The following RHOBTB3 variants were observed in gnomAD, a reference collection of about 807,000 sequenced individuals.
RHOBTB3 encodes the protein Rho related BTB domain containing 3, also known as rho-related BTB domain-containing protein 3.
In RHOBTB3, 47 loss-of-function variants were observed where a neutral mutation model predicts 67.2. The observed-to-expected ratio is 0.70, with a 90% CI of 0.55 to 0.89. RHOBTB3 has a LOEUF of 0.89. Ranked by LOEUF, RHOBTB3 falls within the 40% of genes least tolerant of loss-of-function variation. RHOBTB3 has a pLI of 0.00. For synonymous variants in RHOBTB3, 273 were observed against 274.2 expected, an observed-to-expected ratio of 1.00 and a Z score of 0.04; for missense variants, 631 against 750.0, an observed-to-expected ratio of 0.84 and a Z score of 1.85.
At chr5:95,752,852 C>G (rs993772956) in intron 5 of RHOBTB3, among the ~76,000 whole-genome samples, 1 of 151,976 alleles carries the variant, frequency 6.6e-6, no homozygotes, top group Non-Finnish European at 1.5e-5. Flanking sequence ...ACGTAGAGTC[C>G]CGGGCGCGGT....
intron 3 of RHOBTB3, among the ~76,000 whole-genome samples, chr5:95,737,627 G>A (rs997944722): frequency 6.6e-6 from 1 of 152,240 alleles, no homozygotes; most frequent in Non-Finnish European, 1.5e-5. Context: ...TCAGGATTCA[G>A]TTTGATTTGG....
Position 95,736,943 on chromosome 5 carries a change from A to T in RHOBTB3, c.283A>T (p.Ile95Phe), listed in dbSNP as rs748932209. 5 of 1,613,042 alleles carry T rather than the reference A, an allele frequency of 3.1e-6. No individual in the cohort carries two copies. In the East Asian group the frequency reaches 8.9e-5, roughly 29 times the overall value. ...TSRNLIGGAD[I>F]IVIKYNVNDK... ...TCGAAATCTAATTGGGGGCGCTGAC[A>T]TCATTGTGATCAAATACAACGTTAA... Residue 95 changes from isoleucine to phenylalanine, a missense_variant, in exon 3 of 12, where the codon ATC becomes TTC. Coordinates refer to ENST00000379982, the MANE Select transcript of RHOBTB3 (RefSeq NM_014899.4).
intron 6 of RHOBTB3, among the ~76,000 whole-genome samples, chr5:95,763,265 C>T (rs1178685220): frequency 3.9e-5 from 6 of 152,120 alleles, no homozygotes; most frequent in Non-Finnish European, 8.8e-5. Context: ...CCACCTATTG[C>T]AGAGAGGTAG....
Position 95,736,948 on chromosome 5 carries a change from T to C in RHOBTB3, c.288T>C (p.Ile96=), listed in dbSNP as rs1310878212. 6.2e-7 allele frequency: 1 copy of C among 1,612,914 alleles called. No individual in the cohort carries two copies. The highest frequency in any genetic ancestry group is 1.1e-5 in the South Asian group (1 of 90,892). The change falls in exon 3 of 12, where the codon ATT becomes ATC. Residue 96 remains isoleucine, a synonymous_variant. Transcript: ENST00000379982. The part of the protein sequence containing the change: ...SRNLIGGADI[I]VIKYNVNDKF... ...ATCTAATTGGGGGCGCTGACATCAT[T>C]GTGATCAAATACAACGTTAATGACA... is the stretch of plus-strand genomic sequence containing the variant.
At chr5:95,717,676 C>G (rs777647316) in exon 1 of RHOBTB3, 1 of 151,998 alleles carries the variant, frequency 6.6e-6, no homozygotes, top group South Asian at 2.1e-4. Context: ...AGGAATCTGT[C>G]GATATACAAG....
chr5:95,724,383 A>G (rs979424392), intron 1 of RHOBTB3, among the ~76,000 whole-genome samples: 1 of 152,266 alleles, frequency 6.6e-6, no homozygotes, highest in Admixed American at 6.5e-5. Context: ...TGTTTAACAC[A>G]TAGTTTCAGA....
In RHOBTB3 at chr5:95,783,794, C is replaced by T. The variant is rs1580429111; in HGVS notation, c.1457-3C>T. ...CTTTCTCTCATGTCCCTTTTCTCAT[C>T]AGCTGGCATATTCCAGGCCATGTGT... On this transcript the variant is annotated splice_region_variant and splice_polypyrimidine_tract_variant and intron_variant, in intron 9 of 11. Coordinates refer to ENST00000379982, the MANE Select transcript of RHOBTB3 (RefSeq NM_014899.4). The T allele has an allele frequency of 6.2e-7, 1 of 1,603,878 alleles. No homozygotes were observed. The highest frequency in any genetic ancestry group is 2.2e-5 in the East Asian group (1 of 44,644).
intron 8 of RHOBTB3, among the ~76,000 whole-genome samples, chr5:95,772,911 A>G (rs891172568): frequency 2.0e-5 from 3 of 152,202 alleles, no homozygotes; most frequent in African/African-American, 7.2e-5. Flanking sequence ...TTTGAGAGCA[A>G]TCTTTTTCAA....
At chr5:95,719,531 G>C (rs1191926785) in intron 1 of RHOBTB3, 4 of 152,176 alleles carry the variant, frequency 2.6e-5, no homozygotes, top group Non-Finnish European at 4.4e-5. Flanking sequence ...CCTGATACTG[G>C]GTAGTGAGCA....
At position 95,784,729 on chromosome 5, in the gene RHOBTB3, C is replaced by G. The variant is rs757113912; in HGVS notation, c.1623+766C>G. 4.6e-5 allele frequency among the ~76,000 whole-genome samples: 7 copies of G among 152,312 alleles called. No homozygotes were observed. The East Asian group carries it at 7.7e-4, about 17-fold the overall frequency. ...TGTTGAAATCTACTTCCCAAACCCC[C>G]AGATGTGCTCACAGTCAAAAACCTG... is the stretch of plus-strand genomic sequence containing the variant. On this transcript the variant is annotated intron_variant, in intron 10 of 11. Coordinates refer to ENST00000379982, the MANE Select transcript of RHOBTB3 (RefSeq NM_014899.4).
At chr5:95,762,071 A>C (rs973334231) in intron 6 of RHOBTB3, among the ~76,000 whole-genome samples, 1 of 152,242 alleles carries the variant, frequency 6.6e-6, no homozygotes, top group African/African-American at 2.4e-5. Flanking sequence ...AGAAAGAAGC[A>C]GTGGTGTGCT....
chr5:95,784,327 A>G (rs1561456692), intron 10 of RHOBTB3, among the ~76,000 whole-genome samples: 1 of 152,252 alleles, frequency 6.6e-6, no homozygotes, highest in Non-Finnish European at 1.5e-5. Context: ...CTAAAAGGGA[A>G]ATGACAGAAT....
chr5:95,742,899 T>C (rs924627831), intron 3 of RHOBTB3, among the ~76,000 whole-genome samples: 15 of 152,058 alleles, frequency 9.9e-5, no homozygotes, highest in Admixed American at 2.6e-4. Flanking sequence ...AGTGAAACCC[T>C]GTCTCTACTA....
chr5:95,762,346 A>G (rs1745417061), intron 6 of RHOBTB3, among the ~76,000 whole-genome samples: 2 of 152,184 alleles, frequency 1.3e-5, no homozygotes, highest in Admixed American at 1.3e-4. Flanking sequence ...ATTTGGTTTT[A>G]GTTGGTACAG....
rs908189673 is a variant in RHOBTB3, at chr5:95,731,533, C to T, written c.-150C>T. 1.4e-5 allele frequency: 19 copies of T among 1,382,796 alleles called. No individual in the cohort carries two copies. In the African/African-American group the frequency reaches 2.6e-4, roughly 19 times the overall value. 85.7% of individuals were successfully genotyped at this position (1,382,796 alleles called of 1,614,324 possible). On this transcript the variant is annotated 5_prime_UTR_variant, in exon 1 of 12. Transcript: ENST00000379982. ...GCTGGCTGGCGCGGCCCCGGCCCCGCTCTGCGTCGGCCCCGCCGCGGTGGA... is the reference window on the plus strand; with the variant it reads ...GCTGGCTGGCGCGGCCCCGGCCCCGTTCTGCGTCGGCCCCGCCGCGGTGGA...
At chr5:95,748,542 T>G in intron 4 of RHOBTB3, 55 bp downstream of exon 4, 2 of 1,370,590 alleles carry the variant, frequency 1.5e-6, no homozygotes, top group Non-Finnish European at 2.0e-6. Context: ...CCTCTTTAGG[T>G]ATTTTGTAGA....
At chr5:95,726,068 C>T (rs892326291), upstream of RHOBTB3, among the ~76,000 whole-genome samples, 1 of 152,054 alleles carries the variant, frequency 6.6e-6, no homozygotes, top group Non-Finnish European at 1.5e-5. Flanking sequence ...TTCTCAAATA[C>T]CATAAAGTGG....
At chr5:95,767,599 G>A (rs577056018) in intron 7 of RHOBTB3, among the ~76,000 whole-genome samples, 6 of 152,234 alleles carry the variant, frequency 3.9e-5, no homozygotes, top group African/African-American at 1.4e-4. Context: ...TCCAAAGTGC[G>A]GGATTATAGG....
intron 11 of RHOBTB3, among the ~76,000 whole-genome samples, chr5:95,792,467 G>T (rs113794341): frequency 1.3e-5 from 2 of 150,944 alleles, no homozygotes; most frequent in African/African-American, 2.4e-5. Flanking sequence ...AAATAAGTCC[G>T]TTATATCCAG....
Sources: allele counts gnomAD v4.1 joint callset (sites outside exome capture counted in the v4.1 genomes callset), GRCh38; gene constraint gnomAD v4.1.1; transcripts MANE v1.5; gene names NCBI Gene and HGNC (gene_info 2026-07-23, HGNC 2026-07-21).